Variants in LPP observed in about 807,000 individuals in gnomAD.
The protein encoded by LPP is lipoma-preferred partner.
In LPP, 38 loss-of-function variants were observed where a neutral mutation model predicts 60.4. That is an observed-to-expected ratio of 0.63 (90% CI 0.49 to 0.83). The LOEUF is 0.83. Ranked by LOEUF, LPP falls within the 40% of genes least tolerant of loss-of-function variation. The pLI is 0.00. For missense variants in LPP, 902 were observed against 783.6 expected, an observed-to-expected ratio of 1.15 and a Z score of -1.80; for synonymous variants, 328 against 290.8, an observed-to-expected ratio of 1.13 and a Z score of -1.30.
At chr3:188,561,405 T>G (rs943902844) in intron 6 of LPP, among the ~76,000 whole-genome samples, 1 of 152,050 alleles carries the variant, frequency 6.6e-6, no homozygotes, top group African/African-American at 2.4e-5. Context: ...AGCCTTGAAT[T>G]TTCTCCTCTC....
chr3:188,444,010 A>G (rs1794652511), intron 4 of LPP, among the ~76,000 whole-genome samples: 1 of 152,188 alleles, frequency 6.6e-6, no homozygotes, highest in Non-Finnish European at 1.5e-5. Context: ...CTTTGCAAAT[A>G]TAGTGCATAA....
intron 4 of LPP, among the ~76,000 whole-genome samples, chr3:188,448,049 A>G (rs1013163500): frequency 7.2e-5 from 11 of 152,220 alleles, no homozygotes; most frequent in Non-Finnish European, 1.6e-4. Context: ...AACTCAAAAT[A>G]TAAAGATAAT....
chr3:188,188,526 C>T lies in LPP; in HGVS notation c.-190+34274C>T, dbSNP rs114348748. Among the ~76,000 whole-genome samples, 888 of 152,066 alleles carry T rather than the reference C, an allele frequency of 5.8e-3. 10 individuals are homozygous for T. Among genetic ancestry groups the T allele is most frequent in the African/African-American group, 0.02 (844 of 41,452 alleles). On this transcript the variant is annotated intron_variant, in intron 1 of 11. Coordinates refer to ENST00000617246, the MANE Select transcript of LPP (RefSeq NM_001375462.1). ...TGTTATTCAGCATGATCATCTCCAACTGGATCATCACCCTTATTCACTGGA... is the reference window on the plus strand; with the variant it reads ...TGTTATTCAGCATGATCATCTCCAATTGGATCATCACCCTTATTCACTGGA...
At chr3:188,627,546 AAAAG>A (rs2151665459) in intron 7 of LPP, among the ~76,000 whole-genome samples, 1 of 152,290 alleles carries the variant, frequency 6.6e-6, no homozygotes, top group East Asian at 1.9e-4. Context: ...AAAGGACAAA[AAAAG>A]GGCATTACAT....
intron 4 of LPP, among the ~76,000 whole-genome samples, chr3:188,432,071 C>T (rs1484004084): frequency 1.3e-5 from 2 of 151,896 alleles, no homozygotes; most frequent in African/African-American, 2.4e-5. Flanking sequence ...TGCTGTATGC[C>T]GGGTATCTGG....
chr3:188,698,581 G>A (rs1863762810), intron 7 of LPP, among the ~76,000 whole-genome samples: 1 of 151,872 alleles, frequency 6.6e-6, no homozygotes, highest in South Asian at 2.1e-4. Flanking sequence ...GTTGGCAGGA[G>A]ATCTTTGACC....
At chr3:188,702,337 CTTCTT>C (rs772423955) in intron 7 of LPP, among the ~76,000 whole-genome samples, 2 of 148,846 alleles carry the variant, frequency 1.3e-5, no homozygotes, top group Non-Finnish European at 3.0e-5. Flanking sequence ...TCTTCTTCTT[CTTCTT>C]TTTTTTTTTT....
intron 9 of LPP, among the ~76,000 whole-genome samples, chr3:188,794,008 C>T (rs56316113): frequency 0.14 from 21,924 of 151,992 alleles, 1,892 homozygotes; most frequent in Non-Finnish European, 0.19. Flanking sequence ...CAAGAAAGGA[C>T]GCTTTTCTTC....
At chr3:188,662,027 CAGAA>C (rs1238845830) in intron 7 of LPP, among the ~76,000 whole-genome samples, 1 of 152,120 alleles carries the variant, frequency 6.6e-6, no homozygotes, top group Non-Finnish European at 1.5e-5. Flanking sequence ...TTAGTGTGAC[CAGAA>C]AGAGAGAGAA....
At chr3:188,324,206 C>G (rs1757737602) in intron 2 of LPP, among the ~76,000 whole-genome samples, 1 of 152,176 alleles carries the variant, frequency 6.6e-6, no homozygotes, top group Admixed American at 6.5e-5. Flanking sequence ...AGCTTAGAGG[C>G]AATTCCACCA....
intron 8 of LPP, among the ~76,000 whole-genome samples, chr3:188,756,329 G>A (rs189755794): frequency 5.6e-4 from 86 of 152,220 alleles, no homozygotes; most frequent in African/African-American, 2.0e-3. Flanking sequence ...CTCTGTCATC[G>A]GATCTTTTGA....
At chr3:188,249,896 TA>T (rs1560157007) in intron 2 of LPP, among the ~76,000 whole-genome samples, 48 of 133,804 alleles carry the variant, frequency 3.6e-4, no homozygotes, top group African/African-American at 9.8e-4. Flanking sequence ...TATATATATA[TA>T]TATATTTTTT....
rs529732077 is a variant in LPP at position 188,292,619 on chromosome 3, G to A, written c.-66-49044G>A. ...ATGCCTTTGAATCTCTTACACACAT[G>A]GTACCCAATAAGCCTAGTGCTGTAT... On this transcript the variant is annotated intron_variant, in intron 2 of 11. Transcript: ENST00000617246. Among the ~76,000 whole-genome samples, 4 of 152,100 alleles carry A rather than the reference G, an allele frequency of 2.6e-5. No homozygotes were observed. In the South Asian group the frequency reaches 6.2e-4, roughly 24 times the overall value.
At chr3:188,561,837 T>C (rs6793410) in intron 6 of LPP, among the ~76,000 whole-genome samples, 53,044 of 151,854 alleles carry the variant, frequency 0.35, 9,756 homozygotes, top group African/African-American at 0.43. Flanking sequence ...TAAAGTGTAA[T>C]GGGCATTTGG....
chr3:188,753,774 G>A (rs1378251353), intron 8 of LPP, among the ~76,000 whole-genome samples: 2 of 151,776 alleles, frequency 1.3e-5, no homozygotes, highest in South Asian at 2.1e-4. Context: ...TTTGAGTGTG[G>A]GTGTGTGTGA....
chr3:188,354,807 A>G (rs926638634), intron 3 of LPP, among the ~76,000 whole-genome samples: 9 of 126,242 alleles, frequency 7.1e-5, no homozygotes, highest in African/African-American at 2.1e-4. Flanking sequence ...ATGAACACAC[A>G]CACGCGCGTG....
At chr3:188,562,736 C>T (rs1831036828) in intron 6 of LPP, among the ~76,000 whole-genome samples, 1 of 151,944 alleles carries the variant, frequency 6.6e-6, no homozygotes, top group African/African-American at 2.4e-5. Flanking sequence ...ACTGAACCCA[C>T]TCATTTTAAG....
At chr3:188,503,426 C>T (rs1278695056) in intron 5 of LPP, among the ~76,000 whole-genome samples, 1 of 152,056 alleles carries the variant, frequency 6.6e-6, no homozygotes, top group East Asian at 1.9e-4. Context: ...ATATTAGTTT[C>T]TTAAATCATG....
At chr3:188,371,727 T>A (rs1222570247) in intron 3 of LPP, among the ~76,000 whole-genome samples, 1 of 133,330 alleles carries the variant, frequency 7.5e-6, no homozygotes, top group East Asian at 2.4e-4. Context: ...CGATCTCAAC[T>A]CACCACAACC....
Sources: allele counts gnomAD v4.1 joint callset (sites outside exome capture counted in the v4.1 genomes callset), GRCh38; gene constraint gnomAD v4.1.1; transcripts MANE v1.5; gene names NCBI Gene and HGNC (gene_info 2026-07-23, HGNC 2026-07-21).